RALYL: variants seen among roughly 807,000 people sequenced by gnomAD.
RALYL encodes RALY RNA binding protein like.
In RALYL, 29 loss-of-function variants were observed where a neutral mutation model predicts 35.1. That is an observed-to-expected ratio of 0.83 (90% CI 0.61 to 1.13). The LOEUF (loss-of-function observed/expected upper bound fraction) is 1.13, where lower values mean the gene tolerates loss of function less well. Among genes scored for constraint, RALYL ranks in the 50% most tolerant of loss-of-function variants. RALYL has a pLI of 0.00. For synonymous variants in RALYL, 120 were observed against 127.6 expected, an observed-to-expected ratio of 0.94 and a Z score of 0.40; for missense variants, 359 against 360.4, an observed-to-expected ratio of 1.00 and a Z score of 0.03.
At chr8:84,886,535 A>G (rs1236442886) in intron 7 of RALYL, among the ~76,000 whole-genome samples, 3 of 152,194 alleles carry the variant, frequency 2.0e-5, no homozygotes, top group Non-Finnish European at 4.4e-5. Flanking sequence ...CTGATAAAAA[A>G]TAACCCAGCA....
chr8:84,413,944 G>C (rs2044358529), intron 1 of RALYL, among the ~76,000 whole-genome samples: 1 of 151,776 alleles, frequency 6.6e-6, no homozygotes, highest in Non-Finnish European at 1.5e-5. Flanking sequence ...TATAAGACAG[G>C]GTTTTTCTAT....
chr8:84,868,972 A>G (rs983821838), intron 6 of RALYL, among the ~76,000 whole-genome samples: 6 of 152,024 alleles, frequency 3.9e-5, no homozygotes, highest in Non-Finnish European at 8.8e-5. Flanking sequence ...CACCTGTCCT[A>G]TAACTTCAGG....
chr8:84,860,822 T>G (rs1313754031), intron 5 of RALYL, among the ~76,000 whole-genome samples: 1 of 152,206 alleles, frequency 6.6e-6, no homozygotes, highest in Non-Finnish European at 1.5e-5. Context: ...ACCCTAAGTC[T>G]CTAATGTAGG....
At chr8:84,366,015 T>C (rs1854182568) in intron 1 of RALYL, among the ~76,000 whole-genome samples, 1 of 152,198 alleles carries the variant, frequency 6.6e-6, no homozygotes, top group Non-Finnish European at 1.5e-5. Context: ...TGTTCTTAAT[T>C]CTTTGTATCA....
At chr8:84,659,397 C>A (rs1830505210) in intron 2 of RALYL, among the ~76,000 whole-genome samples, 2 of 151,970 alleles carry the variant, frequency 1.3e-5, no homozygotes, top group Admixed American at 1.3e-4. Context: ...AGCCATTGTA[C>A]CCCTCCCTGG....
chr8:84,298,428 A>T (rs1313028511), intron 1 of RALYL, among the ~76,000 whole-genome samples: 2 of 151,848 alleles, frequency 1.3e-5, no homozygotes, highest in African/African-American at 4.8e-5. Flanking sequence ...TTGTGTTTGT[A>T]TTTGTGCCAT....
chr8:84,210,044 A>C (rs1389807155), intron 1 of RALYL, among the ~76,000 whole-genome samples: 1 of 152,138 alleles, frequency 6.6e-6, no homozygotes, highest in East Asian at 1.9e-4. Context: ...AGGACTAGTG[A>C]CAGCATCACT....
chr8:84,659,234 T>C (rs2131628270), intron 2 of RALYL, among the ~76,000 whole-genome samples: 1 of 149,436 alleles, frequency 6.7e-6, no homozygotes, highest in South Asian at 2.1e-4. Context: ...TAAAAAGGGG[T>C]GTGGGGAAGC....
chr8:84,320,580 C>A (rs1844617059), intron 1 of RALYL, among the ~76,000 whole-genome samples: 1 of 151,924 alleles, frequency 6.6e-6, no homozygotes, highest in Admixed American at 6.6e-5. Context: ...ACCAAAGATA[C>A]AGAATTTAAA....
At chr8:84,753,837 A>T (rs1810670572) in intron 2 of RALYL, among the ~76,000 whole-genome samples, 1 of 152,302 alleles carries the variant, frequency 6.6e-6, no homozygotes, top group African/African-American at 2.4e-5. Context: ...TGTCTTTATA[A>T]CAATGTGAGA....
At chr8:84,331,312 A>G (rs920531903) in intron 1 of RALYL, among the ~76,000 whole-genome samples, 3 of 152,114 alleles carry the variant, frequency 2.0e-5, no homozygotes, top group African/African-American at 7.2e-5. Flanking sequence ...ATCCAAGAGC[A>G]TGTGTGTCTG....
chr8:84,915,998 C>T (rs1297541217), intron 8 of RALYL, among the ~76,000 whole-genome samples: 1 of 151,978 alleles, frequency 6.6e-6, no homozygotes, highest in East Asian at 1.9e-4. Flanking sequence ...GAAAATCAGC[C>T]ATTTTCTATA....
intron 2 of RALYL, among the ~76,000 whole-genome samples, chr8:84,693,516 A>G (rs1187361104): frequency 6.6e-6 from 1 of 151,922 alleles, no homozygotes; most frequent in Non-Finnish European, 1.5e-5. Context: ...TATGGGAAAA[A>G]CAATTGAAGA....
chr8:84,207,248 T>C (rs1818269693), intron 1 of RALYL, among the ~76,000 whole-genome samples: 1 of 152,016 alleles, frequency 6.6e-6, no homozygotes, highest in African/African-American at 2.4e-5. Flanking sequence ...ATAGCCAAAA[T>C]ATGGAAACAA....
At chr8:84,801,257 G>C (rs577585416) in intron 3 of RALYL, among the ~76,000 whole-genome samples, 1 of 152,166 alleles carries the variant, frequency 6.6e-6, no homozygotes, top group South Asian at 2.1e-4. Flanking sequence ...TGGGAGTCCT[G>C]GTACCTTGGC....
Position 84,645,318 on chromosome 8 carries a change from C to T in RALYL, c.256+115741C>T, listed in dbSNP as rs896232004. On this transcript the variant is annotated intron_variant, in intron 2 of 8. Transcript: ENST00000521268. ...AACTTGTTTATACTATATATTTATACTATATTTATGAAGATTTCTATTCCA... is the reference window on the plus strand; with the variant it reads ...AACTTGTTTATACTATATATTTATATTATATTTATGAAGATTTCTATTCCA... 6.6e-5 allele frequency among the ~76,000 whole-genome samples: 10 copies of T among 151,540 alleles called. 2 individuals are homozygous for T. The South Asian group carries it at 2.1e-3, about 31-fold the overall frequency.
chr8:84,720,472 C>G (rs1418350504), intron 2 of RALYL, among the ~76,000 whole-genome samples: 2 of 152,066 alleles, frequency 1.3e-5, no homozygotes, highest in Admixed American at 1.3e-4. Flanking sequence ...GAAACTAGAC[C>G]TCTATCCCTC....
intron 2 of RALYL, among the ~76,000 whole-genome samples, chr8:84,697,981 A>T (rs1839461574): frequency 6.6e-6 from 1 of 152,082 alleles, no homozygotes; most frequent in African/African-American, 2.4e-5. Flanking sequence ...AATAATTCCA[A>T]CTAAAGTAAA....
intron 2 of RALYL, among the ~76,000 whole-genome samples, chr8:84,676,221 C>T (rs1420078478): frequency 6.6e-6 from 1 of 152,104 alleles, no homozygotes; most frequent in East Asian, 1.9e-4. Context: ...TTGCAAAAAC[C>T]AGGAATCACT....
Sources: gnomAD v4.1 joint callset for allele counts (sites outside exome capture counted in the v4.1 genomes callset) on GRCh38, gnomAD v4.1.1 for gene constraint, MANE v1.5 for transcripts, NCBI Gene and HGNC (gene_info 2026-07-23, HGNC 2026-07-21) for gene names.